FHIT: variants seen among roughly 807,000 people sequenced by gnomAD.
FHIT encodes the protein bis(5'-adenosyl)-triphosphatase.
FHIT carries 19 observed loss-of-function variants against 17.9 expected under a neutral mutation model. The ratio of observed to expected loss-of-function variants is 1.06; its 90% CI spans 0.74 to 1.56. FHIT has a LOEUF of 1.56. Ranked by LOEUF, FHIT falls within the 40% of genes most tolerant of loss-of-function variation. The pLI, the probability that FHIT is intolerant of heterozygous loss-of-function variation, is 0.00. For missense variants in FHIT, 248 were observed against 189.2 expected (o/e 1.31, Z -1.82); for synonymous variants, 81 against 69.7 (o/e 1.16, Z -0.81).
At chr3:60,573,116 C>CT (rs2037443802) in intron 4 of FHIT, among the ~76,000 whole-genome samples, 1 of 152,146 alleles carries the variant, frequency 6.6e-6, no homozygotes, top group Non-Finnish European at 1.5e-5. Flanking sequence ...AACTGCTTGG[C>CT]TTTTTGCTAG....
At chr3:61,012,397 TA>T (rs927476148) in intron 3 of FHIT, among the ~76,000 whole-genome samples, 4 of 151,370 alleles carry the variant, frequency 2.6e-5, no homozygotes, top group African/African-American at 9.7e-5. Context: ...GGATGAATCA[TA>T]AAAAAAAATT....
At chr3:60,160,974 G>A (rs1700914506) in intron 5 of FHIT, among the ~76,000 whole-genome samples, 1 of 151,912 alleles carries the variant, frequency 6.6e-6, no homozygotes, top group Admixed American at 6.6e-5. Context: ...AGACGATTAT[G>A]CAATCCATAT....
intron 5 of FHIT, among the ~76,000 whole-genome samples, chr3:60,531,719 T>C (rs2035794183): frequency 2.0e-5 from 3 of 152,240 alleles, no homozygotes; most frequent in African/African-American, 7.2e-5. Context: ...GGCGCTTTTA[T>C]GTATAGCATC....
At chr3:59,965,954 T>C (rs559509978) in intron 7 of FHIT, among the ~76,000 whole-genome samples, 77 of 152,236 alleles carry the variant, frequency 5.1e-4, no homozygotes, top group African/African-American at 1.8e-3. Context: ...AGGGAGTATG[T>C]CACCGTCTTA....
At chr3:60,489,964 G>C (rs890347950) in intron 5 of FHIT, among the ~76,000 whole-genome samples, 3 of 151,994 alleles carry the variant, frequency 2.0e-5, no homozygotes, top group Non-Finnish European at 4.4e-5. Flanking sequence ...CTTCATGTAC[G>C]ACATGACAGG....
At chr3:61,039,450 C>A (rs550851262) in intron 3 of FHIT, among the ~76,000 whole-genome samples, 1 of 151,926 alleles carries the variant, frequency 6.6e-6, no homozygotes, top group Non-Finnish European at 1.5e-5. Context: ...TTAAAACTTG[C>A]GAGGGATTTC....
intron 4 of FHIT, among the ~76,000 whole-genome samples, chr3:60,658,082 A>T (rs1209529598): frequency 3.3e-5 from 5 of 152,078 alleles, no homozygotes. Context: ...TATACCATTT[A>T]ACAACTCTCA....
In FHIT at chr3:60,576,325, G is replaced by T. The variant is rs868984056; in HGVS notation, c.-17-39346C>A. Among the ~76,000 whole-genome samples, 21 of 152,094 alleles carry T rather than the reference G, an allele frequency of 1.4e-4. No individual in the cohort carries two copies. In the South Asian group the frequency reaches 2.7e-3, roughly 20 times the overall value. On this transcript the variant is annotated intron_variant, in intron 4 of 9. Coordinates refer to ENST00000492590, the MANE Select transcript of FHIT (RefSeq NM_002012.4). ...GTGGAAAATATGAGAGAAACGTCAG[G>T]AAGCACAGAAGAGGGGTCCCAGAGA...
At chr3:60,427,535 A>C in intron 5 of FHIT, among the ~76,000 whole-genome samples, 1 of 152,098 alleles carries the variant, frequency 6.6e-6, no homozygotes, top group Admixed American at 6.6e-5. Context: ...GTGGTAATGT[A>C]TTACACAGCA....
chr3:60,437,389 G>A (rs909593022), intron 5 of FHIT, among the ~76,000 whole-genome samples: 6 of 152,030 alleles, frequency 3.9e-5, no homozygotes, highest in African/African-American at 1.2e-4. Context: ...ATGTTCTTAG[G>A]AGGCCTTCCT....
chr3:60,129,992 C>T (rs951697578), intron 5 of FHIT, among the ~76,000 whole-genome samples: 7 of 152,146 alleles, frequency 4.6e-5, no homozygotes, highest in African/African-American at 1.7e-4. Flanking sequence ...CTTTCTCTCG[C>T]TCACCTACAT....
chr3:60,792,039 C>A (rs1700795548), intron 4 of FHIT, among the ~76,000 whole-genome samples: 1 of 152,192 alleles, frequency 6.6e-6, no homozygotes, highest in African/African-American at 2.4e-5. Flanking sequence ...GGGCTGGTTT[C>A]AGACAAAGGC....
At chr3:60,162,498 A>C (rs905208534) in intron 5 of FHIT, among the ~76,000 whole-genome samples, 20 of 152,140 alleles carry the variant, frequency 1.3e-4, no homozygotes, top group African/African-American at 4.3e-4. Flanking sequence ...ATATTTAGAA[A>C]ACAGGTTGAC....
At chr3:60,572,449 G>A (rs889036288) in intron 4 of FHIT, among the ~76,000 whole-genome samples, 1 of 151,744 alleles carries the variant, frequency 6.6e-6, no homozygotes, top group African/African-American at 2.4e-5. Flanking sequence ...TTACAAATAA[G>A]ATAGGAAAAA....
At chr3:59,980,308 G>A (rs1420411626) in intron 7 of FHIT, among the ~76,000 whole-genome samples, 1 of 152,086 alleles carries the variant, frequency 6.6e-6, no homozygotes, top group African/African-American at 2.4e-5. Context: ...TGGACAACAA[G>A]GATTCCTTGA....
intron 5 of FHIT, among the ~76,000 whole-genome samples, chr3:60,087,329 C>T (rs1191744930): frequency 6.6e-6 from 1 of 152,168 alleles, no homozygotes; most frequent in African/African-American, 2.4e-5. Context: ...TTCCCATTGG[C>T]TTGACTACTA....
chr3:59,910,765 C>T (rs1704832551), intron 8 of FHIT, among the ~76,000 whole-genome samples: 1 of 152,174 alleles, frequency 6.6e-6, no homozygotes, highest in South Asian at 2.1e-4. Flanking sequence ...ATGAAAGTGG[C>T]TTATGTATGT....
In FHIT at chr3:59,903,590, T is replaced by A. The variant is rs577274573; in HGVS notation, c.348+18756A>T. On this transcript the variant is annotated intron_variant, in intron 8 of 9. Coordinates refer to ENST00000492590, the MANE Select transcript of FHIT (RefSeq NM_002012.4). Reference sequence around the variant, plus strand: ...TTCTAGAGACTTTTCACCCCTGTTATTCTGAGAATTAAAATACTCAAACAT... The same window carrying A: ...TTCTAGAGACTTTTCACCCCTGTTAATCTGAGAATTAAAATACTCAAACAT... Among the ~76,000 whole-genome samples the A allele has an allele frequency of 3.3e-5, 5 of 152,326 alleles. No homozygotes were observed. The South Asian group carries it at 8.3e-4, about 25-fold the overall frequency.
intron 4 of FHIT, among the ~76,000 whole-genome samples, chr3:60,792,055 G>C (rs1171562294): frequency 6.6e-6 from 1 of 152,192 alleles, no homozygotes; most frequent in Admixed American, 6.5e-5. Flanking sequence ...AAGGCACAGT[G>C]GTCCAGAGGA....
Sources: gnomAD v4.1 joint callset for allele counts (sites outside exome capture counted in the v4.1 genomes callset) on GRCh38, gnomAD v4.1.1 for gene constraint, MANE v1.5 for transcripts, NCBI Gene and HGNC (gene_info 2026-07-23, HGNC 2026-07-21) for gene names.